The following POFUT3 variants were observed in gnomAD, a reference collection of about 807,000 sequenced individuals.
POFUT3 encodes the protein protein O-fucosyltransferase 3.
At chr8:33,405,902 G>T in the POFUT3 span, among the ~76,000 whole-genome samples, 4 of 152,152 alleles carry the variant, frequency 2.6e-5, no homozygotes, top group African/African-American at 9.6e-5. Context: ...AATTAACTAT[G>T]TTTACTTTGT....
chr8:33,364,783 G>A, the POFUT3 span, among the ~76,000 whole-genome samples: 2 of 152,122 alleles, frequency 1.3e-5, no homozygotes, highest in Admixed American at 1.3e-4. Flanking sequence ...ACGAATGGAA[G>A]AATATTCCAT....
At chr8:33,458,739 C>CA in the POFUT3 span, among the ~76,000 whole-genome samples, 15 of 150,812 alleles carry the variant, frequency 9.9e-5, no homozygotes, top group African/African-American at 1.7e-4. Context: ...AAAACAAAAA[C>CA]AAAAAAAAAC....
At chr8:33,367,950 T>C in the POFUT3 span, among the ~76,000 whole-genome samples, 1 of 152,178 alleles carries the variant, frequency 6.6e-6, no homozygotes, top group Non-Finnish European at 1.5e-5. Context: ...TTTGGGCTAG[T>C]TGAATCATCT....
At chr8:33,379,673 T>C in the POFUT3 span, among the ~76,000 whole-genome samples, 1,209 of 150,960 alleles carry the variant, frequency 8.0e-3, 9 homozygotes, top group Non-Finnish European at 0.011. Context: ...CTGTCTCTAC[T>C]AAAAATACAA....
the POFUT3 span, among the ~76,000 whole-genome samples, chr8:33,313,596 A>G: frequency 4.0e-5 from 6 of 151,792 alleles, no homozygotes; most frequent in African/African-American, 1.5e-4. Flanking sequence ...CACAGAACTG[A>G]CATCCTCCCT....
chr8:33,463,212 G>A, the POFUT3 span, among the ~76,000 whole-genome samples: 1 of 151,934 alleles, frequency 6.6e-6, no homozygotes, highest in African/African-American at 2.4e-5. Flanking sequence ...TAGTCTTAAA[G>A]GTGTGCTCCC....
At chr8:33,460,142 T>C in the POFUT3 span, among the ~76,000 whole-genome samples, 4 of 150,436 alleles carry the variant, frequency 2.7e-5, no homozygotes, top group Non-Finnish European at 5.9e-5. Context: ...TGAGCCAAGA[T>C]CGTGCCACTG....
chr8:33,430,151 A>G, the POFUT3 span, among the ~76,000 whole-genome samples: 10 of 151,578 alleles, frequency 6.6e-5, no homozygotes, highest in African/African-American at 2.4e-4. Context: ...TTGTATGAGC[A>G]TTATGATGTC....
At chr8:33,379,674 A>G in the POFUT3 span, among the ~76,000 whole-genome samples, 4 of 151,252 alleles carry the variant, frequency 2.6e-5, no homozygotes, top group East Asian at 5.9e-4. Flanking sequence ...TGTCTCTACT[A>G]AAAATACAAA....
the POFUT3 span, among the ~76,000 whole-genome samples, chr8:33,457,313 G>A: frequency 6.6e-6 from 1 of 151,990 alleles, no homozygotes; most frequent in African/African-American, 2.4e-5. Context: ...GCTGGGCATG[G>A]TGGCATGCCC....
the POFUT3 span, among the ~76,000 whole-genome samples, chr8:33,368,281 C>G: frequency 1.4e-3 from 219 of 152,240 alleles, 1 homozygote; most frequent in South Asian, 0.033. Flanking sequence ...TCCAATGACT[C>G]GAGAGGACAA....
chr8:33,311,763 T>A, the POFUT3 span, among the ~76,000 whole-genome samples: 1 of 152,252 alleles, frequency 6.6e-6, no homozygotes, highest in East Asian at 1.9e-4. Context: ...AATTCATTCA[T>A]TCAAGCTTCA....
chr8:33,395,433 G>A, the POFUT3 span, among the ~76,000 whole-genome samples: 1 of 152,000 alleles, frequency 6.6e-6, no homozygotes, highest in Non-Finnish European at 1.5e-5. Flanking sequence ...CGATTGGAGA[G>A]GAGTTTGGCC....
the POFUT3 span, among the ~76,000 whole-genome samples, chr8:33,328,362 CCAAAAA>C: frequency 1.0e-4 from 15 of 148,626 alleles, no homozygotes; most frequent in South Asian, 2.3e-3. Flanking sequence ...TTTCTGTAAG[CCAAAAA>C]CAAAAACAAA....
At chr8:33,400,513 A>C in the POFUT3 span, among the ~76,000 whole-genome samples, 1 of 152,056 alleles carries the variant, frequency 6.6e-6, no homozygotes, top group Non-Finnish European at 1.5e-5. Flanking sequence ...GGATAGACGG[A>C]TGAAGGAAGG....
At chr8:33,376,658 G>C in the POFUT3 span, among the ~76,000 whole-genome samples, 1 of 152,178 alleles carries the variant, frequency 6.6e-6, no homozygotes. Flanking sequence ...GAGAAGCAGA[G>C]TGCAAATTGA....
the POFUT3 span, among the ~76,000 whole-genome samples, chr8:33,467,607 C>T: frequency 6.6e-6 from 1 of 152,208 alleles, no homozygotes; most frequent in Non-Finnish European, 1.5e-5. Flanking sequence ...GGCTGGCATG[C>T]AACACCAGGG....
the POFUT3 span, among the ~76,000 whole-genome samples, chr8:33,429,949 T>C: frequency 6.7e-6 from 1 of 149,844 alleles, no homozygotes; most frequent in Non-Finnish European, 1.5e-5. Context: ...TGAGCCAAGA[T>C]TGCACCATTG....
the POFUT3 span, chr8:33,339,094 G>A: frequency 6.6e-6 from 1 of 152,036 alleles, no homozygotes; most frequent in Admixed American, 6.5e-5. Context: ...CACTGAGAGA[G>A]ATGTTGAAAT....
Sources: gnomAD v4.1 joint callset for allele counts (sites outside exome capture counted in the v4.1 genomes callset) on GRCh38, gnomAD v4.1.1 for gene constraint, MANE v1.5 for transcripts, NCBI Gene and HGNC (gene_info 2026-07-23, HGNC 2026-07-21) for gene names.